TMEM94: variants seen among roughly 807,000 people sequenced by gnomAD.
The protein encoded by TMEM94 is transmembrane protein 94.
Under a neutral mutation model 158.6 loss-of-function variants are expected in TMEM94, and 81 were observed. The ratio of observed to expected loss-of-function variants is 0.51; its 90% CI spans 0.43 to 0.61. TMEM94 has a LOEUF of 0.61. Among genes scored for constraint, TMEM94 ranks in the 20% least tolerant of loss-of-function variants. The pLI is 0.00. For missense variants in TMEM94, 1,435 were observed against 1,762.0 expected, an observed-to-expected ratio of 0.81 and a Z score of 3.32; for synonymous variants, 751 against 730.7, an observed-to-expected ratio of 1.03 and a Z score of -0.45.
chr17:75,478,656 T>A (rs2050908662), intron 2 of TMEM94, among the ~76,000 whole-genome samples: 1 of 152,176 alleles, frequency 6.6e-6, no homozygotes, highest in East Asian at 1.9e-4. Context: ...GAGCAAGCCC[T>A]GTGTTGGGCG....
At chr17:75,466,538 G>A (rs1199300239) in intron 1 of TMEM94, among the ~76,000 whole-genome samples, 2 of 152,132 alleles carry the variant, frequency 1.3e-5, no homozygotes, top group Non-Finnish European at 2.9e-5. Flanking sequence ...TTGAGAGGCT[G>A]GGCATGGTGG....
intron 27 of TMEM94, 36 bp downstream of exon 27, chr17:75,497,898 G>A (rs772965303): frequency 1.3e-6 from 2 of 1,568,170 alleles, no homozygotes; most frequent in Non-Finnish European, 1.8e-6. Flanking sequence ...TTGCAAGTGA[G>A]CATGGAAGGG....
chr17:75,463,174 G>GTA lies in TMEM94; in HGVS notation c.-107+6424_-107+6425insAT, dbSNP rs1483017222. 1.2e-3 allele frequency among the ~76,000 whole-genome samples: 6 copies of GTA among 4,854 alleles called. 1 individual carries two copies. Among genetic ancestry groups the GTA allele is most frequent in the African/African-American group, 3.3e-3 (4 of 1,196 alleles). 3.2% of individuals were successfully genotyped at this position (4,854 alleles called of 152,430 possible). On this transcript the variant is annotated intron_variant, in intron 1 of 31. Coordinates refer to ENST00000314256, the MANE Select transcript of TMEM94 (RefSeq NM_014738.6). ...CACGTATATATATGTGTGTGTGTGT[G>GTA]TGTGTATATATATATATATATATAC...
intron 1 of TMEM94, among the ~76,000 whole-genome samples, chr17:75,456,958 ACT>A (rs1353375673): frequency 3.3e-5 from 5 of 151,896 alleles, no homozygotes; most frequent in Non-Finnish European, 7.4e-5. Context: ...GAGTCTTCAG[ACT>A]CTTGCTCTCA....
rs147281113 is a variant in TMEM94 at position 75,498,497 on chromosome 17, C to T, written c.3692C>T (p.Ser1231Leu). The T allele has an allele frequency of 9.0e-5, 143 of 1,594,778 alleles. No homozygotes were observed. The African/African-American group carries it at 1.2e-3, about 14-fold the overall frequency. ...WFEDFANGLL[S>L]AQKLTAALIV... ...GAGGACTTTGCCAATGGACTGCTGT[C>T]GGCTCAGAAGCTCACGGCCGCCCTG... Residue 1231 changes from serine to leucine, a missense_variant, in exon 29 of 32, where the codon TCG becomes TTG. By Grantham distance (145) the Ser-to-Leu change is moderately radical (BLOSUM62 -2). Transcript: ENST00000314256. This position sits in a 1 kb window ranked among gnomAD's most constrained non-coding sequence, Gnocchi z 6.7.
intron 26 of TMEM94, among the ~76,000 whole-genome samples, 174 bp from the exon 27 acceptor site, chr17:75,497,607 G>A (rs1159095600): frequency 1.3e-5 from 2 of 152,132 alleles, no homozygotes; most frequent in African/African-American, 4.8e-5. Context: ...GCCCATCTCA[G>A]CCTCCCAAAG....
At position 75,490,686 on chromosome 17, in the gene TMEM94, C is replaced by T; in HGVS notation, c.1072-16C>T. Reference sequence around the variant, plus strand: ...GGCGTTTTCCTCACTGAGGACCTCACCCTCTCTCCGTGCAGCTGGCTAAGT... The same window carrying T: ...GGCGTTTTCCTCACTGAGGACCTCATCCTCTCTCCGTGCAGCTGGCTAAGT... On this transcript the variant is annotated splice_polypyrimidine_tract_variant and intron_variant, in intron 10 of 31. Coordinates refer to ENST00000314256, the MANE Select transcript of TMEM94 (RefSeq NM_014738.6). 6.2e-7 allele frequency: 1 copy of T among 1,613,496 alleles called. No individual in the cohort carries two copies. Among genetic ancestry groups the T allele is most frequent in the Non-Finnish European group, 8.5e-7 (1 of 1,179,468 alleles).
Position 75,489,580 on chromosome 17 carries a change from G to A in TMEM94, c.872G>A (p.Gly291Asp). 1 of 1,613,928 alleles carries A rather than the reference G, an allele frequency of 6.2e-7. No individual in the cohort carries two copies. The highest frequency in any genetic ancestry group is 8.5e-7 in the Non-Finnish European group (1 of 1,179,902). Residue 291 changes from glycine to aspartate, a missense_variant, in exon 9 of 32, where the codon GGC becomes GAC. Coordinates refer to ENST00000314256, the MANE Select transcript of TMEM94 (RefSeq NM_014738.6). The surrounding 1 kb of genome is among the most constrained non-coding windows in gnomAD (Gnocchi z 5.0). ...TGCCTCTGCTGTTCCCAACAGGCCG[G>A]CTTCCTCATCACCAATGCCCTGCGC... ...LHYAVPVVLA[G>D]FLITNALRFI...
rs1231757142 is a variant in TMEM94, at chr17:75,456,710, G to A, written c.-148G>A. ...ACGTGAAGTGAGGAGGGGGTTGGGAGGGGAGAGGACGCGGGCGAGGAAGAC... is the reference window on the plus strand; with the variant it reads ...ACGTGAAGTGAGGAGGGGGTTGGGAAGGGAGAGGACGCGGGCGAGGAAGAC... On this transcript the variant is annotated 5_prime_UTR_variant, in exon 1 of 32. Coordinates refer to ENST00000314256, the MANE Select transcript of TMEM94 (RefSeq NM_014738.6). 2.6e-5 allele frequency: 4 copies of A among 152,350 alleles called. No homozygotes were observed. The highest frequency in any genetic ancestry group is 3.8e-4 in the East Asian group (2 of 5,196). The allele number at this position is 152,350 out of a possible 1,614,324, so 9.4% of individuals were successfully genotyped here. A position where few individuals can be genotyped will look rare whatever the true frequency, so the allele number is the denominator to read the frequency against.
rs1038655470 is a variant in TMEM94 at position 75,479,543 on chromosome 17, C to A, written c.25-5885C>A. 2.0e-5 allele frequency among the ~76,000 whole-genome samples: 3 copies of A among 151,936 alleles called. 1 individual carries two copies. In the South Asian group the frequency reaches 6.2e-4, roughly 32 times the overall value. On this transcript the variant is annotated intron_variant, in intron 2 of 31. Coordinates refer to ENST00000314256, the MANE Select transcript of TMEM94 (RefSeq NM_014738.6). ...CTATGTTGGCCAGGCTGGTCTCGAA[C>A]TCCTCATCTCGTGATCCCCCTGCCT...
At chr17:75,496,113 C>T (rs748634773) in intron 23 of TMEM94, 39 bp downstream of exon 23, 2 of 1,551,328 alleles carry the variant, frequency 1.3e-6, no homozygotes, top group Admixed American at 3.5e-5. Flanking sequence ...CCAGCCTCTA[C>T]CTCCCAGACC....
chr17:75,471,965 G>T, intron 2 of TMEM94, 36 bp downstream of exon 2: 1 of 1,607,712 alleles, frequency 6.2e-7, no homozygotes, highest in Non-Finnish European at 8.5e-7. Context: ...GGTATTGTCT[G>T]TGTGTCTCTG....
In TMEM94 at chr17:75,493,811, G is replaced by A. The variant is rs755154072; in HGVS notation, c.2302G>A (p.Glu768Lys). ...LSSQLNGKCI[E>K]LVQVPGQSSI... ...CTCTCAGCTCAATGGCAAGTGCATC[G>A]AGCTGGTACAGGTGCCCGGCCAAAG... Residue 768 changes from glutamate (E) to lysine (K), a missense_variant, in exon 18 of 32, where the codon GAG becomes AAG. Glu to Lys is a moderately conservative substitution (Grantham distance 56). This residue lies in a region of TMEM94 where 1,051 missense variants were observed against 1,254.4 expected (regional missense o/e 0.84). Coordinates refer to ENST00000314256, the MANE Select transcript of TMEM94 (RefSeq NM_014738.6). 6.9e-5 allele frequency: 112 copies of A among 1,613,720 alleles called. No individual in the cohort carries two copies. The highest frequency in any genetic ancestry group is 3.0e-4 in the Admixed American group (18 of 59,996).
chr17:75,487,948 C>T lies in TMEM94; in HGVS notation c.426C>T (p.Gly142=), dbSNP rs532846256. The T allele has an allele frequency of 1.2e-4, 191 of 1,613,794 alleles. 2 individuals carry two copies. In the South Asian group the frequency reaches 2.0e-3, roughly 17 times the overall value. The change falls in exon 6 of 32, where the codon GGC becomes GGT. Residue 142 remains glycine, a synonymous_variant. Transcript: ENST00000314256. The surrounding 1 kb of genome is among the most constrained non-coding windows in gnomAD (Gnocchi z 4.6). ...TCCCCTCAGATGCCCTCAGGGATGG[C>T]AGGGAGATCCAGTGGCCCAGTGCCA... ...IDQIQDALRD[G]REIQWPSAMY...
chr17:75,489,772 C>T lies in TMEM94; in HGVS notation c.954+110C>T, dbSNP rs1262624212. Reference sequence around the variant, plus strand: ...TCTCTGCAGCCCAGAGGTCCCCTCACGCTTCAGCTTAAGAACACCTCTTTC... The same window carrying T: ...TCTCTGCAGCCCAGAGGTCCCCTCATGCTTCAGCTTAAGAACACCTCTTTC... On this transcript the variant is annotated intron_variant, in intron 9 of 31. Coordinates refer to ENST00000314256, the MANE Select transcript of TMEM94 (RefSeq NM_014738.6). The surrounding 1 kb of genome is among the most constrained non-coding windows in gnomAD (Gnocchi z 5.0). 10 of 949,694 alleles carry T rather than the reference C, an allele frequency of 1.1e-5. No homozygotes were observed. Among genetic ancestry groups the T allele is most frequent in the Admixed American group, 7.8e-5 (4 of 51,036 alleles). The allele number at this position is 949,694 out of a possible 1,614,324, so 58.8% of individuals were successfully genotyped here.
rs754118978 is a variant in TMEM94 at position 75,499,341 on chromosome 17, G to A, written c.*7G>A. ...CATGAACTCTCCCTTCTGAGCCACT[G>A]GCTGTGGTGGCTGTAGTTGCCCCCG... is the stretch of plus-strand genomic sequence containing the variant. On this transcript the variant is annotated 3_prime_UTR_variant, in exon 32 of 32. Transcript: ENST00000314256. The A allele has an allele frequency of 1.9e-6, 3 of 1,612,418 alleles. No homozygotes were observed. Among genetic ancestry groups the A allele is most frequent in the Non-Finnish European group, 2.5e-6 (3 of 1,178,938 alleles).
At position 75,489,122 on chromosome 17, in the gene TMEM94, G is replaced by C. The variant is rs1322759244; in HGVS notation, c.765-144G>C. 6.5e-6 allele frequency: 6 copies of C among 923,796 alleles called. 1 individual carries two copies. In the East Asian group the frequency reaches 1.0e-4, roughly 16 times the overall value. 57.2% of individuals were successfully genotyped at this position (923,796 alleles called of 1,614,324 possible). Reference sequence around the variant, plus strand: ...AGGGGACAGCTCTGGAGGTGAACACGGGCTAGGGCCAGGGCAGAGCGTGGA... The same window carrying C: ...AGGGGACAGCTCTGGAGGTGAACACCGGCTAGGGCCAGGGCAGAGCGTGGA... On this transcript the variant is annotated intron_variant, in intron 7 of 31. Transcript: ENST00000314256. This position sits in a 1 kb window ranked among gnomAD's most constrained non-coding sequence, Gnocchi z 5.0.
At position 75,488,870 on chromosome 17, in the gene TMEM94, C is replaced by G; in HGVS notation, c.724C>G (p.Leu242Val). 1 of 1,610,932 alleles carries G rather than the reference C, an allele frequency of 6.2e-7. No homozygotes were observed. The change falls in exon 7 of 32, where the codon CTT becomes GTT. Residue 242 changes from leucine to valine, a missense_variant. Transcript: ENST00000314256. Reference sequence around the variant, plus strand: ...GCCACAGAGCCCCCAGCAGCACCGGCTTTTCCGTGTCCTTGAGACCCCTGT... The same window carrying G: ...GCCACAGAGCCCCCAGCAGCACCGGGTTTTCCGTGTCCTTGAGACCCCTGT... ...RGPQSPQQHR[L>V]FRVLETPVID...
rs377395182 is a variant in TMEM94 at position 75,498,603 on chromosome 17, C to T, written c.3734-26C>T. The T allele has an allele frequency of 4.3e-6, 7 of 1,612,706 alleles. No homozygotes were observed. The highest frequency in any genetic ancestry group is 5.9e-6 in the Non-Finnish European group (7 of 1,179,494). Reference sequence around the variant, plus strand: ...GAGGAGCCCCACTGTGGAAGTCTGACCCCCACATCGCCCCACCTTCCCCAG... The same window carrying T: ...GAGGAGCCCCACTGTGGAAGTCTGATCCCCACATCGCCCCACCTTCCCCAG... On this transcript the variant is annotated intron_variant, in intron 29 of 31. Transcript: ENST00000314256. This position sits in a 1 kb window ranked among gnomAD's most constrained non-coding sequence, Gnocchi z 6.7.
Sources: allele counts gnomAD v4.1 joint callset (sites outside exome capture counted in the v4.1 genomes callset), GRCh38; gene constraint gnomAD v4.1.1; regional missense constraint gnomAD v4.1.1; non-coding constraint Gnocchi (gnomAD v3.1); transcripts MANE v1.5; gene names NCBI Gene and HGNC (gene_info 2026-07-23, HGNC 2026-07-21).